Variants in HPSE2 observed in about 807,000 individuals in gnomAD.
HPSE2 encodes the protein inactive heparanase-2.
In HPSE2, 38 loss-of-function variants were observed where a neutral mutation model predicts 60.5. That is an observed-to-expected ratio of 0.63 (90% CI 0.48 to 0.82). The LOEUF is 0.82. HPSE2 is among the 40% of genes least tolerant of loss of function. The probability of loss-of-function intolerance (pLI) is 0.00; values close to 1 mark genes in which losing one functional copy is unlikely to be tolerated. For synonymous variants in HPSE2, 295 were observed against 293.2 expected (o/e 1.01, Z -0.06); for missense variants, 713 against 740.4 (o/e 0.96, Z 0.43).
intron 2 of HPSE2, among the ~76,000 whole-genome samples, chr10:99,180,573 G>C (rs1480067016): frequency 6.6e-6 from 1 of 152,126 alleles, no homozygotes; most frequent in African/African-American, 2.4e-5. Flanking sequence ...AGGCCAGTTA[G>C]AATGGCGATC....
At chr10:98,823,169 C>G (rs1025957945) in intron 3 of HPSE2, among the ~76,000 whole-genome samples, 1 of 152,294 alleles carries the variant, frequency 6.6e-6, no homozygotes, top group African/African-American at 2.4e-5. Context: ...GAAACAGATT[C>G]TCTCTTGGAA....
intron 6 of HPSE2, among the ~76,000 whole-genome samples, chr10:98,657,417 T>C (rs996737149): frequency 6.6e-6 from 1 of 151,630 alleles, no homozygotes; most frequent in African/African-American, 2.4e-5. Flanking sequence ...CTGCAAACTC[T>C]ACCTCCTGGT....
chr10:99,283,910 C>T, the HPSE2 span, among the ~76,000 whole-genome samples: 1 of 152,036 alleles, frequency 6.6e-6, no homozygotes, highest in Non-Finnish European at 1.5e-5. Context: ...AAGAAAAGTC[C>T]AGAACTGGAT....
intron 8 of HPSE2, among the ~76,000 whole-genome samples, chr10:98,615,639 A>C (rs1945885741): frequency 6.6e-6 from 1 of 152,166 alleles, no homozygotes; most frequent in Non-Finnish European, 1.5e-5. Context: ...TGCACTGTTC[A>C]CATACTTATC....
At chr10:98,580,836 A>ATATATGTGTGTGTGTGTGTG in intron 9 of HPSE2, among the ~76,000 whole-genome samples, 1 of 119,530 alleles carries the variant, frequency 8.4e-6, no homozygotes, top group Admixed American at 8.1e-5. Flanking sequence ...ATATATATAT[A>ATATATGTGTGTGTGTGTGTG]TGTGTGTGTG....
intron 3 of HPSE2, among the ~76,000 whole-genome samples, chr10:98,766,674 C>T (rs1163702088): frequency 2.0e-5 from 3 of 152,102 alleles, no homozygotes; most frequent in African/African-American, 7.2e-5. Context: ...CCTGTAATCC[C>T]AGCACTTTGG....
chr10:98,667,227 G>A (rs1379630764), intron 6 of HPSE2, among the ~76,000 whole-genome samples: 1 of 152,084 alleles, frequency 6.6e-6, no homozygotes, highest in Admixed American at 6.5e-5. Flanking sequence ...ATTGAACCAG[G>A]AGGAAAGTGA....
chr10:98,666,742 G>A (rs1323250275), intron 6 of HPSE2, among the ~76,000 whole-genome samples: 1 of 152,060 alleles, frequency 6.6e-6, no homozygotes, highest in Admixed American at 6.5e-5. Flanking sequence ...TAATGAAAAT[G>A]GAAACACAAC....
chr10:98,653,644 C>A (rs1414398815), intron 6 of HPSE2, among the ~76,000 whole-genome samples: 2 of 151,596 alleles, frequency 1.3e-5, no homozygotes, highest in Non-Finnish European at 2.9e-5. Context: ...CTAAATTTAT[C>A]CCACCCTTCA....
intron 3 of HPSE2, among the ~76,000 whole-genome samples, chr10:99,008,740 C>T (rs1956944571): frequency 6.6e-6 from 1 of 152,092 alleles, no homozygotes; most frequent in Non-Finnish European, 1.5e-5. Flanking sequence ...GATACAGAAA[C>T]CCTCAAGTCC....
In HPSE2 at chr10:98,689,681, T is replaced by C. The variant is rs72840562; in HGVS notation, c.1004+4219A>G. On this transcript the variant is annotated intron_variant, in intron 6 of 11. Transcript: ENST00000370552. ...GTAATTTTTTTTATTGTATGTAGCA[T>C]AGTGTGGATGATATACTACAGAGAT... 6.8e-3 allele frequency among the ~76,000 whole-genome samples: 1,033 copies of C among 152,306 alleles called. 8 individuals carry two copies. Among genetic ancestry groups the C allele is most frequent in the South Asian group, 0.027 (132 of 4,828 alleles).
At chr10:98,658,207 G>C (rs941201500) in intron 6 of HPSE2, among the ~76,000 whole-genome samples, 1 of 152,122 alleles carries the variant, frequency 6.6e-6, no homozygotes, top group African/African-American at 2.4e-5. Context: ...TTCTGGAAAG[G>C]GCTAGATAAC....
At chr10:98,668,432 C>T (rs539895936) in intron 6 of HPSE2, among the ~76,000 whole-genome samples, 44 of 152,204 alleles carry the variant, frequency 2.9e-4, no homozygotes, top group African/African-American at 1.0e-3. Context: ...TCACATGGAA[C>T]CAAAAAGGAG....
At chr10:98,866,945 A>G (rs1321261807) in intron 3 of HPSE2, among the ~76,000 whole-genome samples, 1 of 152,206 alleles carries the variant, frequency 6.6e-6, no homozygotes, top group Admixed American at 6.5e-5. Flanking sequence ...GAAATAATAT[A>G]GAGTACTGGA....
intron 3 of HPSE2, among the ~76,000 whole-genome samples, chr10:98,806,063 T>C (rs1389167162): frequency 6.6e-6 from 1 of 152,208 alleles, no homozygotes; most frequent in Non-Finnish European, 1.5e-5. Flanking sequence ...TGGACTATTG[T>C]TCTCTGGTAT....
chr10:99,062,539 ATC>A (rs921119497), intron 3 of HPSE2, among the ~76,000 whole-genome samples: 2 of 151,876 alleles, frequency 1.3e-5, no homozygotes, highest in African/African-American at 2.4e-5. Flanking sequence ...TCTACTTGCC[ATC>A]TCTCTGTTAT....
chr10:98,815,997 A>C (rs2134590795), intron 3 of HPSE2, among the ~76,000 whole-genome samples: 1 of 131,306 alleles, frequency 7.6e-6, no homozygotes, highest in African/African-American at 2.8e-5. Context: ...TGAACACAGG[A>C]AGGGGAACAT....
chr10:99,159,834 G>A (rs186288293), intron 2 of HPSE2, among the ~76,000 whole-genome samples: 4 of 152,226 alleles, frequency 2.6e-5, no homozygotes, highest in Admixed American at 2.6e-4. Context: ...GAGTAAAAGT[G>A]TTCGCTCTTT....
At chr10:99,180,908 A>C (rs1446064380) in intron 2 of HPSE2, among the ~76,000 whole-genome samples, 53 of 149,366 alleles carry the variant, frequency 3.5e-4, no homozygotes, top group African/African-American at 1.2e-3. Context: ...AAAAAAAAAA[A>C]AAAAAAAAAA....
Sources: gnomAD v4.1 joint callset for allele counts (sites outside exome capture counted in the v4.1 genomes callset) on GRCh38, gnomAD v4.1.1 for gene constraint, MANE v1.5 for transcripts, NCBI Gene and HGNC (gene_info 2026-07-23, HGNC 2026-07-21) for gene names.